The following CHD9 variants were observed in gnomAD, a reference collection of about 807,000 sequenced individuals.
The protein encoded by CHD9 is chromodomain helicase DNA binding protein 9.
Under a neutral mutation model 316.1 loss-of-function variants are expected in CHD9, and 77 were observed. The observed-to-expected ratio is 0.24, with a 90% CI of 0.20 to 0.29. CHD9 has a LOEUF of 0.29. Ranked by LOEUF, CHD9 falls within the 10% of genes least tolerant of loss-of-function variation. The probability of loss-of-function intolerance (pLI) is 1.00; values close to 1 mark genes in which losing one functional copy is unlikely to be tolerated. For synonymous variants in CHD9, 1,129 were observed against 1,158.3 expected (o/e 0.97, Z 0.51); for missense variants, 2,763 against 3,438.1 (o/e 0.80, Z 4.91).
chr16:53,069,337 T>C (rs2033803220), intron 1 of CHD9, among the ~76,000 whole-genome samples: 1 of 152,184 alleles, frequency 6.6e-6, no homozygotes. Flanking sequence ...TTAAGTGCGT[T>C]CACATTGTTG....
At chr16:53,212,495 A>G (rs2046412650) in intron 3 of CHD9, among the ~76,000 whole-genome samples, 1 of 152,180 alleles carries the variant, frequency 6.6e-6, no homozygotes, top group African/African-American at 2.4e-5. Flanking sequence ...TATTTAACCC[A>G]TATATGTGAT....
intron 2 of CHD9, among the ~76,000 whole-genome samples, chr16:53,177,867 C>T (rs2043191568): frequency 1.3e-5 from 2 of 152,200 alleles, no homozygotes; most frequent in African/African-American, 2.4e-5. Flanking sequence ...GCAGGCTATT[C>T]TACTCTATTC....
intron 1 of CHD9, among the ~76,000 whole-genome samples, chr16:53,124,168 T>C (rs572462803): frequency 2.0e-5 from 3 of 152,370 alleles, no homozygotes; most frequent in African/African-American, 7.2e-5. Context: ...AAAACAACCA[T>C]CATTTTACAT....
chr16:53,273,259 A>G (rs146569590), intron 22 of CHD9, among the ~76,000 whole-genome samples: 8 of 152,294 alleles, frequency 5.3e-5, no homozygotes, highest in African/African-American at 1.9e-4. Context: ...ATCTAAATCA[A>G]TTTTGAAAAG....
intron 1 of CHD9, among the ~76,000 whole-genome samples, chr16:53,143,579 G>A (rs2040321090): frequency 1.3e-5 from 2 of 151,934 alleles, no homozygotes; most frequent in African/African-American, 4.8e-5. Context: ...AGTAGAGACA[G>A]GGTTGCACCA....
intron 17 of CHD9, among the ~76,000 whole-genome samples, chr16:53,253,544 G>A (rs954644348): frequency 6.6e-6 from 1 of 151,978 alleles, no homozygotes; most frequent in African/African-American, 2.4e-5. Flanking sequence ...TACTACTAAA[G>A]AACTTATGTA....
chr16:53,222,872 G>A (rs2152907067), intron 4 of CHD9, 117 bp downstream of exon 4: 1 of 565,458 alleles, frequency 1.8e-6, no homozygotes, highest in East Asian at 3.1e-5. Flanking sequence ...TTGTAGTATG[G>A]TAGAAGTTGA....
chr16:53,261,483 C>T (rs2051125468), intron 19 of CHD9, among the ~76,000 whole-genome samples: 1 of 150,900 alleles, frequency 6.6e-6, no homozygotes, highest in East Asian at 2.0e-4. Flanking sequence ...AAGTGACCCA[C>T]CCACCTCAGC....
Position 53,304,478 on chromosome 16 carries a change from C to G in CHD9, c.6472C>G (p.His2158Asp). 6.4e-7 allele frequency: 1 copy of G among 1,559,096 alleles called. No individual in the cohort carries two copies. Among genetic ancestry groups the G allele is most frequent in the Non-Finnish European group, 8.7e-7 (1 of 1,151,366 alleles). Reference protein sequence around the residue: ...SSSSSSSSCSHSRSGSSSSSS... With the variant: ...SSSSSSSSCSDSRSGSSSSSS... ...TTCCTCATCATCCTCTTCTTGCTCC[C>G]ACTCTCGATCAGGCTCTAGTTCTTC... Residue 2158 changes from histidine to aspartate, a missense_variant, in exon 31 of 39, where the codon CAC becomes GAC. Transcript: ENST00000447540.
At position 53,170,677 on chromosome 16, in the gene CHD9, G is replaced by A. The variant is rs145289143; in HGVS notation, c.1452+13136G>A. On this transcript the variant is annotated intron_variant, in intron 2 of 38. Coordinates refer to ENST00000447540, the MANE Select transcript of CHD9 (RefSeq NM_001308319.2). Reference sequence around the variant, plus strand: ...GAAATTCTGATTGAATTTCACAAGTGCTTTGTCAACATCTCTGATTTTGTT... The same window carrying A: ...GAAATTCTGATTGAATTTCACAAGTACTTTGTCAACATCTCTGATTTTGTT... Among the ~76,000 whole-genome samples, 174 of 151,442 alleles carry A rather than the reference G, an allele frequency of 1.1e-3. 1 individual carries two copies. Among genetic ancestry groups the A allele is most frequent in the Non-Finnish European group, 1.9e-3 (127 of 67,916 alleles).
chr16:53,268,962 C>T (rs2051954492), intron 22 of CHD9, among the ~76,000 whole-genome samples: 2 of 151,954 alleles, frequency 1.3e-5, no homozygotes, highest in Admixed American at 1.3e-4. Flanking sequence ...AGCACCACAC[C>T]CGGCTTTTAA....
chr16:53,194,522 G>A (rs1194805917), intron 2 of CHD9, among the ~76,000 whole-genome samples: 1 of 152,176 alleles, frequency 6.6e-6, no homozygotes, highest in East Asian at 1.9e-4. Context: ...GAAGTGAGCG[G>A]AGATCGTACC....
chr16:53,143,357 ATTTTATTT>A (rs2040278795), intron 1 of CHD9, among the ~76,000 whole-genome samples: 1 of 119,530 alleles, frequency 8.4e-6, no homozygotes, highest in African/African-American at 3.2e-5. Flanking sequence ...ATTTTATCTT[ATTTTATTT>A]ATTTATTTAT....
At chr16:53,185,342 T>A (rs1311529061) in intron 2 of CHD9, among the ~76,000 whole-genome samples, 1 of 152,196 alleles carries the variant, frequency 6.6e-6, no homozygotes, top group Non-Finnish European at 1.5e-5. Flanking sequence ...AGGTCACTTT[T>A]GCTATGCAAA....
At chr16:53,178,494 G>A (rs1227589002) in intron 2 of CHD9, among the ~76,000 whole-genome samples, 13 of 144,844 alleles carry the variant, frequency 9.0e-5, no homozygotes, top group African/African-American at 2.8e-4. Flanking sequence ...GTGTAGTGGC[G>A]CAAACATGGC....
At chr16:53,104,821 A>AG in intron 1 of CHD9, among the ~76,000 whole-genome samples, 2 of 151,884 alleles carry the variant, frequency 1.3e-5, no homozygotes, top group East Asian at 3.9e-4. Context: ...CAAAAAAAAA[A>AG]AAAAAAAGTT....
intron 1 of CHD9, among the ~76,000 whole-genome samples, chr16:53,143,386 A>G (rs57950389): frequency 6.9e-6 from 1 of 145,888 alleles, no homozygotes; most frequent in African/African-American, 2.6e-5. Flanking sequence ...TTATTTATTT[A>G]TTTATTTATT....
chr16:53,290,903 A>G (rs557569151), intron 27 of CHD9, among the ~76,000 whole-genome samples: 8 of 152,372 alleles, frequency 5.3e-5, no homozygotes, highest in East Asian at 1.9e-4. Context: ...AACATCTGGC[A>G]TGTATCGAGT....
intron 25 of CHD9, 106 bp from the exon 26 acceptor site, chr16:53,286,120 C>A: frequency 3.4e-6 from 2 of 583,020 alleles, no homozygotes; most frequent in Non-Finnish European, 6.1e-6. Flanking sequence ...AATGTATTAT[C>A]CCTTTAGTCC....
Sources: allele counts gnomAD v4.1 joint callset (sites outside exome capture counted in the v4.1 genomes callset), GRCh38; gene constraint gnomAD v4.1.1; transcripts MANE v1.5; gene names NCBI Gene and HGNC (gene_info 2026-07-23, HGNC 2026-07-21).